The following ARID1B variants were observed in gnomAD, a reference collection of about 807,000 sequenced individuals.
ARID1B encodes AT-rich interactive domain-containing protein 1B.
A neutral mutation model predicts 212.3 loss-of-function variants in ARID1B; 30 were observed. That is an observed-to-expected ratio of 0.14 (90% CI 0.11 to 0.19). The LOEUF (loss-of-function observed/expected upper bound fraction) is 0.19, where lower values mean the gene tolerates loss of function less well. Among genes scored for constraint, ARID1B ranks in the 10% least tolerant of loss-of-function variants. The probability of loss-of-function intolerance (pLI) is 1.00; values close to 1 mark genes in which losing one functional copy is unlikely to be tolerated. For synonymous variants in ARID1B, 1,402 were observed against 1,301.7 expected (o/e 1.08, Z -1.66); for missense variants, 2,891 against 3,204.0 (o/e 0.90, Z 2.36).
chr6:157,163,940 C>A (rs182415682), intron 8 of ARID1B, among the ~76,000 whole-genome samples: 1 of 152,356 alleles, frequency 6.6e-6, no homozygotes, highest in East Asian at 1.9e-4. Context: ...TACTTACTAG[C>A]TGTGTGACTT....
rs912767507 is a variant in ARID1B, at chr6:156,819,519, G to A, written c.1792-9708G>A. 6.6e-5 allele frequency among the ~76,000 whole-genome samples: 10 copies of A among 152,280 alleles called. No individual in the cohort carries two copies. In the East Asian group the frequency reaches 1.2e-3, roughly 18 times the overall value. ...ATTTACTCATTGAATTGACTTACAAGCTGCTGAGCTTTGGGGGATGAAGCT... is the reference window on the plus strand; with the variant it reads ...ATTTACTCATTGAATTGACTTACAAACTGCTGAGCTTTGGGGGATGAAGCT... On this transcript the variant is annotated intron_variant, in intron 1 of 19. Transcript: ENST00000636930.
intron 5 of ARID1B, among the ~76,000 whole-genome samples, chr6:157,093,448 C>T (rs1468634456): frequency 6.6e-6 from 1 of 152,238 alleles, no homozygotes; most frequent in East Asian, 1.9e-4. Context: ...CACACACTTG[C>T]ATCTTTGATT....
At chr6:157,082,113 C>T (rs545005854) in intron 4 of ARID1B, among the ~76,000 whole-genome samples, 8 of 152,210 alleles carry the variant, frequency 5.3e-5, no homozygotes, top group African/African-American at 1.7e-4. Flanking sequence ...AGTTGTCACT[C>T]AGTATTTTTC....
At chr6:157,044,189 C>T (rs1782072761) in intron 4 of ARID1B, among the ~76,000 whole-genome samples, 1 of 151,904 alleles carries the variant, frequency 6.6e-6, no homozygotes, top group Admixed American at 6.6e-5. Flanking sequence ...TCCAGTTTGA[C>T]CTAAGGAAAT....
At chr6:156,871,266 A>G (rs1168685688) in intron 2 of ARID1B, among the ~76,000 whole-genome samples, 1 of 152,174 alleles carries the variant, frequency 6.6e-6, no homozygotes, top group Non-Finnish European at 1.5e-5. Flanking sequence ...TTTTACATTT[A>G]TCACCTCCTA....
rs531907291 is a variant in ARID1B, at chr6:156,904,451, T to G, written c.2136+2926T>G. Among the ~76,000 whole-genome samples, 53 of 152,352 alleles carry G rather than the reference T, an allele frequency of 3.5e-4. 1 individual carries two copies. In the South Asian group the frequency reaches 0.011, roughly 31 times the overall value. On this transcript the variant is annotated intron_variant, in intron 3 of 19. Transcript: ENST00000636930. ...GAAACAATGATGCCATGCTAAACTT[T>G]GTGTATGTGTCATAAGTGGGCAGTA...
intron 3 of ARID1B, among the ~76,000 whole-genome samples, chr6:156,930,928 T>G (rs533430429): frequency 6.6e-6 from 1 of 152,168 alleles, no homozygotes; most frequent in Non-Finnish European, 1.5e-5. Flanking sequence ...GAGTGGCTTA[T>G]GCCTGTAATC....
At chr6:157,012,614 A>G (rs1188017926) in intron 4 of ARID1B, among the ~76,000 whole-genome samples, 1 of 152,244 alleles carries the variant, frequency 6.6e-6, no homozygotes, top group East Asian at 1.9e-4. Context: ...TACAAAGAGT[A>G]ACACCCAGGG....
At chr6:157,153,848 C>T (rs572654662) in intron 8 of ARID1B, among the ~76,000 whole-genome samples, 1 of 152,312 alleles carries the variant, frequency 6.6e-6, no homozygotes, top group South Asian at 2.1e-4. Context: ...CTATGTTGCC[C>T]AGGCTGGTCA....
intron 3 of ARID1B, among the ~76,000 whole-genome samples, chr6:156,917,457 G>A (rs1266088531): frequency 6.6e-6 from 1 of 152,174 alleles, no homozygotes; most frequent in African/African-American, 2.4e-5. Flanking sequence ...GGAGGGGTGT[G>A]TTTCAAGCTG....
At chr6:157,163,037 AC>A (rs1241858196) in intron 8 of ARID1B, among the ~76,000 whole-genome samples, 1 of 152,182 alleles carries the variant, frequency 6.6e-6, no homozygotes, top group Non-Finnish European at 1.5e-5. Flanking sequence ...GTAGGGTTTC[AC>A]ATTGGAAACA....
chr6:157,013,955 T>C (rs1191016191), intron 4 of ARID1B, among the ~76,000 whole-genome samples: 3 of 152,208 alleles, frequency 2.0e-5, no homozygotes, highest in Admixed American at 2.0e-4. Context: ...ACAAAACCTT[T>C]GGGTATCATG....
intron 4 of ARID1B, among the ~76,000 whole-genome samples, chr6:157,068,213 T>C (rs1783800452): frequency 1.3e-5 from 2 of 152,256 alleles, no homozygotes; most frequent in Admixed American, 1.3e-4. Flanking sequence ...GCACTCATGA[T>C]AAAATACATT....
At chr6:157,004,613 TC>T in intron 4 of ARID1B, among the ~76,000 whole-genome samples, 1 of 152,158 alleles carries the variant, frequency 6.6e-6, no homozygotes, top group East Asian at 1.9e-4. Context: ...TTATAAGAAC[TC>T]CCCCCAAAAT....
chr6:156,823,122 C>T (rs1190344554), intron 1 of ARID1B, among the ~76,000 whole-genome samples: 2 of 152,130 alleles, frequency 1.3e-5, no homozygotes, highest in Admixed American at 1.3e-4. Flanking sequence ...GGCACGTTAC[C>T]TGACATGTCT....
At chr6:157,197,300 C>T (rs528093154) in intron 16 of ARID1B, among the ~76,000 whole-genome samples, 12 of 152,246 alleles carry the variant, frequency 7.9e-5, no homozygotes, top group Non-Finnish European at 1.0e-4. Context: ...TTCGGGATCG[C>T]GGCCTTCGGA....
chr6:157,016,762 T>C (rs1779944093), intron 4 of ARID1B, among the ~76,000 whole-genome samples: 1 of 152,246 alleles, frequency 6.6e-6, no homozygotes, highest in Admixed American at 6.5e-5. Context: ...ATATTACTTA[T>C]TTTTACTAAT....
At chr6:156,843,519 C>T (rs995707094) in intron 2 of ARID1B, among the ~76,000 whole-genome samples, 5 of 151,910 alleles carry the variant, frequency 3.3e-5, no homozygotes, top group African/African-American at 4.8e-5. Flanking sequence ...CTGAGTAGTG[C>T]GCACAGGTAG....
At chr6:157,104,962 A>G (rs772351132) in intron 5 of ARID1B, among the ~76,000 whole-genome samples, 2 of 152,254 alleles carry the variant, frequency 1.3e-5, no homozygotes, top group African/African-American at 4.8e-5. Flanking sequence ...ACACTAAAAC[A>G]TGGTATAAAA....
Sources: gnomAD v4.1 joint callset for allele counts (sites outside exome capture counted in the v4.1 genomes callset) on GRCh38, gnomAD v4.1.1 for gene constraint, MANE v1.5 for transcripts, NCBI Gene and HGNC (gene_info 2026-07-23, HGNC 2026-07-21) for gene names.